The following LOC128462377 variants were observed in gnomAD, a reference collection of about 807,000 sequenced individuals.
chr16:89,370,367 G>A, the LOC128462377 span, among the ~76,000 whole-genome samples: 22 of 152,222 alleles, frequency 1.4e-4, no homozygotes, highest in Admixed American at 5.2e-4. Flanking sequence ...AGGCGTGCCC[G>A]GTACCTGCCC....
At chr16:89,374,427 C>T in the LOC128462377 span, among the ~76,000 whole-genome samples, 1 of 152,086 alleles carries the variant, frequency 6.6e-6, no homozygotes, top group African/African-American at 2.4e-5. Flanking sequence ...CTGAACGATA[C>T]AACAGGAACT....
At chr16:89,360,578 C>T in the LOC128462377 span, 1 of 152,288 alleles carries the variant, frequency 6.6e-6, no homozygotes, top group South Asian at 2.1e-4. Context: ...ACTAAAATGG[C>T]ACGAAAGCAT....
At chr16:89,373,521 T>C in the LOC128462377 span, 1 of 152,178 alleles carries the variant, frequency 6.6e-6, no homozygotes, top group African/African-American at 2.4e-5. Context: ...TTCTGCTGAG[T>C]GGACGGCTGC....
the LOC128462377 span, among the ~76,000 whole-genome samples, chr16:89,338,201 G>A: frequency 5.9e-5 from 9 of 152,070 alleles, no homozygotes; most frequent in African/African-American, 9.7e-5. Flanking sequence ...ACTGTGCCGG[G>A]GGGTGGGACC....
the LOC128462377 span, among the ~76,000 whole-genome samples, chr16:89,405,956 A>G: frequency 6.6e-6 from 1 of 152,114 alleles, no homozygotes; most frequent in Non-Finnish European, 1.5e-5. Context: ...CTAAAAAGAC[A>G]AAAACTTACC....
the LOC128462377 span, among the ~76,000 whole-genome samples, chr16:89,349,947 G>A: frequency 6.7e-6 from 1 of 150,038 alleles, no homozygotes; most frequent in African/African-American, 2.5e-5. Flanking sequence ...AAGGACCTGT[G>A]TCTAGAATCC....
At chr16:89,326,348 G>A in the LOC128462377 span, among the ~76,000 whole-genome samples, 1 of 152,066 alleles carries the variant, frequency 6.6e-6, no homozygotes, top group African/African-American at 2.4e-5. Context: ...ATGCAGAGGA[G>A]GACGGTCTGC....
At chr16:89,395,423 G>C in the LOC128462377 span, among the ~76,000 whole-genome samples, 2 of 152,248 alleles carry the variant, frequency 1.3e-5, no homozygotes, top group African/African-American at 4.8e-5. Flanking sequence ...AAAGATCAAA[G>C]AGAGGAGACA....
the LOC128462377 span, among the ~76,000 whole-genome samples, chr16:89,397,235 G>A: frequency 1.3e-5 from 2 of 152,144 alleles, no homozygotes; most frequent in Non-Finnish European, 2.9e-5. Context: ...AGGGGAGCAC[G>A]GGAGACACAG....
the LOC128462377 span, among the ~76,000 whole-genome samples, chr16:89,413,324 T>G: frequency 1.3e-5 from 2 of 152,086 alleles, no homozygotes; most frequent in South Asian, 2.1e-4. Context: ...TAACAAAAAC[T>G]TATGTTGAAA....
chr16:89,392,933 G>T, the LOC128462377 span, among the ~76,000 whole-genome samples: 1 of 151,922 alleles, frequency 6.6e-6, no homozygotes, highest in East Asian at 1.9e-4. Flanking sequence ...CATCTGAAAT[G>T]AGTGAGTGAT....
the LOC128462377 span, among the ~76,000 whole-genome samples, chr16:89,347,342 G>A: frequency 6.6e-6 from 1 of 152,316 alleles, no homozygotes; most frequent in Admixed American, 6.5e-5. Context: ...GGGCACACTG[G>A]CTCATGCCTG....
At chr16:89,390,312 G>A in the LOC128462377 span, among the ~76,000 whole-genome samples, 1 of 150,554 alleles carries the variant, frequency 6.6e-6, no homozygotes, top group African/African-American at 2.4e-5. Flanking sequence ...CACCGAGTGT[G>A]GCGTGGAGCA....
At chr16:89,382,142 G>A in the LOC128462377 span, among the ~76,000 whole-genome samples, 1 of 152,000 alleles carries the variant, frequency 6.6e-6, no homozygotes. Context: ...CACACCCAGG[G>A]GACAGAGAGT....
At chr16:89,375,464 CT>C in the LOC128462377 span, among the ~76,000 whole-genome samples, 144,292 of 149,220 alleles carry the variant, frequency 0.97, 69,790 homozygotes, top group East Asian at 1. Flanking sequence ...GACTCTATCT[CT>C]TTTTTTTTTT....
chr16:89,392,548 T>G, the LOC128462377 span: 1 of 152,028 alleles, frequency 6.6e-6, no homozygotes, highest in African/African-American at 2.4e-5. Flanking sequence ...CACGCTGAGA[T>G]GCTCCAGGGT....
chr16:89,407,682 C>G, the LOC128462377 span, among the ~76,000 whole-genome samples: 289 of 151,962 alleles, frequency 1.9e-3, no homozygotes, highest in Admixed American at 6.0e-3. Flanking sequence ...CACACACACA[C>G]ACATAGACAC....
At chr16:89,357,694 G>C in the LOC128462377 span, among the ~76,000 whole-genome samples, 1 of 152,196 alleles carries the variant, frequency 6.6e-6, no homozygotes, top group Non-Finnish European at 1.5e-5. Flanking sequence ...AGGAATGCCT[G>C]TCACAGCCAA....
At chr16:89,324,255 G>A in the LOC128462377 span, 1 of 1,227,338 alleles carries the variant, frequency 8.1e-7, no homozygotes, top group Non-Finnish European at 1.0e-6. Context: ...TGGTCACTGG[G>A]CTGTGGAACA....
Sources: gnomAD v4.1 joint callset for allele counts (sites outside exome capture counted in the v4.1 genomes callset) on GRCh38, gnomAD v4.1.1 for gene constraint, MANE v1.5 for transcripts.